The following ZCWPW2 variants were observed in gnomAD, a reference collection of about 807,000 sequenced individuals.
ZCWPW2 encodes the protein zinc finger CW-type and PWWP domain containing 2.
Under a neutral mutation model 46.6 loss-of-function variants are expected in ZCWPW2, and 45 were observed. That is an observed-to-expected ratio of 0.96 (90% CI 0.76 to 1.24). ZCWPW2 has a LOEUF of 1.24. Ranked by LOEUF, ZCWPW2 falls within the 50% of genes most tolerant of loss-of-function variation. ZCWPW2 has a pLI of 0.00. For synonymous variants in ZCWPW2, 152 were observed against 137.1 expected (o/e 1.11, Z -0.76); for missense variants, 429 against 403.9 (o/e 1.06, Z -0.53).
At position 28,514,061 on chromosome 3, in the gene ZCWPW2, T is replaced by C. The variant is rs201412069; in HGVS notation, c.658-3T>C. On this transcript the variant is annotated splice_polypyrimidine_tract_variant and splice_region_variant and intron_variant, in intron 6 of 9. Coordinates refer to ENST00000383768, the MANE Select transcript of ZCWPW2 (RefSeq NM_001040432.4). Reference sequence around the variant, plus strand: ...AACTCATATTTTTGTTTTTGTGTTATAGAAGCAGACTTCTAAAAATAATAT... The same window carrying C: ...AACTCATATTTTTGTTTTTGTGTTACAGAAGCAGACTTCTAAAAATAATAT... 6 of 1,507,536 alleles carry C rather than the reference T, an allele frequency of 4.0e-6. No individual in the cohort carries two copies. Among genetic ancestry groups the C allele is most frequent in the South Asian group, 1.2e-5 (1 of 84,198 alleles). The allele number at this position is 1,507,536 out of a possible 1,614,324, so 93.4% of individuals were successfully genotyped here. A position where few individuals can be genotyped will look rare whatever the true frequency, so the allele number is the denominator to read the frequency against.
intron 1 of ZCWPW2, among the ~76,000 whole-genome samples, chr3:28,350,070 T>G (rs772478039): frequency 6.6e-6 from 1 of 152,242 alleles, no homozygotes; most frequent in African/African-American, 2.4e-5. Context: ...TTGCTTCAAT[T>G]TACTGGGCTG....
At chr3:28,384,222 C>T (rs1428875192) in intron 1 of ZCWPW2, among the ~76,000 whole-genome samples, 1 of 152,122 alleles carries the variant, frequency 6.6e-6, no homozygotes, top group Non-Finnish European at 1.5e-5. Context: ...TCATCTTTCT[C>T]TACCCATGGA....
At chr3:28,461,664 C>G (rs146305834) in intron 4 of ZCWPW2, 11 of 152,172 alleles carry the variant, frequency 7.2e-5, no homozygotes, top group African/African-American at 2.6e-4. Context: ...TAAATATTTA[C>G]TCAACTCCTA....
chr3:28,460,460 G>A (rs1039410492), intron 4 of ZCWPW2, among the ~76,000 whole-genome samples: 1 of 152,102 alleles, frequency 6.6e-6, no homozygotes, highest in Non-Finnish European at 1.5e-5. Flanking sequence ...ATTTGAATAA[G>A]CTGTCTAAAT....
intron 1 of ZCWPW2, among the ~76,000 whole-genome samples, chr3:28,367,135 T>C (rs917309700): frequency 1.3e-5 from 2 of 152,198 alleles, no homozygotes; most frequent in African/African-American, 4.8e-5. Flanking sequence ...TTTTTGTGTC[T>C]CTCTTTCCTT....
intron 1 of ZCWPW2, among the ~76,000 whole-genome samples, chr3:28,349,430 C>G (rs1704445170): frequency 1.3e-5 from 2 of 152,312 alleles, no homozygotes; most frequent in South Asian, 4.1e-4. Context: ...AAACTACTTG[C>G]AAGCCCTCAG....
chr3:28,458,089 C>G (rs1575158543), intron 4 of ZCWPW2, among the ~76,000 whole-genome samples: 1 of 152,146 alleles, frequency 6.6e-6, no homozygotes. Flanking sequence ...ATAACACCAT[C>G]TTTGATAGTT....
chr3:28,358,511 A>G (rs1224950167), intron 1 of ZCWPW2, among the ~76,000 whole-genome samples: 1 of 152,164 alleles, frequency 6.6e-6, no homozygotes, highest in African/African-American at 2.4e-5. Flanking sequence ...ATCAGTTTGA[A>G]AATTATGAAT....
intron 4 of ZCWPW2, among the ~76,000 whole-genome samples, chr3:28,471,553 T>C (rs1442205633): frequency 6.6e-6 from 1 of 152,180 alleles, no homozygotes; most frequent in Non-Finnish European, 1.5e-5. Flanking sequence ...TCAGCATCCC[T>C]TTATGATAAA....
intron 6 of ZCWPW2, among the ~76,000 whole-genome samples, chr3:28,497,482 G>T (rs1335027933): frequency 6.6e-6 from 1 of 151,492 alleles, no homozygotes; most frequent in African/African-American, 2.4e-5. Flanking sequence ...GCTTCTATAA[G>T]AAATGACTTA....
intron 8 of ZCWPW2, among the ~76,000 whole-genome samples, chr3:28,516,632 C>T (rs1372704231): frequency 6.6e-6 from 1 of 152,154 alleles, no homozygotes; most frequent in Non-Finnish European, 1.5e-5. Context: ...GATATATTCC[C>T]TTTTCCTTGA....
intron 3 of ZCWPW2, among the ~76,000 whole-genome samples, chr3:28,417,259 A>G (rs1351675134): frequency 6.6e-6 from 1 of 152,116 alleles, no homozygotes; most frequent in Non-Finnish European, 1.5e-5. Context: ...AAACTAGAAA[A>G]TCTAGAAGAA....
intron 1 of ZCWPW2, among the ~76,000 whole-genome samples, chr3:28,389,452 T>C (rs1414457045): frequency 2.0e-5 from 3 of 152,200 alleles, no homozygotes; most frequent in African/African-American, 7.2e-5. Flanking sequence ...GATCTTGGCT[T>C]TTATAAGTGC....
rs947890441 is a variant in ZCWPW2 at position 28,349,054 on chromosome 3, G to A, written c.-283G>A. ...AGGAAACCGGAAGTCAGGCCCGAGGGAGCTGGGAGGGCGTTAGCGAAGCCA... is the reference window on the plus strand; with the variant it reads ...AGGAAACCGGAAGTCAGGCCCGAGGAAGCTGGGAGGGCGTTAGCGAAGCCA... On this transcript the variant is annotated 5_prime_UTR_variant, in exon 1 of 10. Transcript: ENST00000383768. The A allele has an allele frequency of 4.1e-6, 4 of 985,952 alleles. No individual in the cohort carries two copies. Among genetic ancestry groups the A allele is most frequent in the South Asian group, 4.7e-5 (1 of 21,326 alleles). The allele number at this position is 985,952 out of a possible 1,614,324, so 61.1% of individuals were successfully genotyped here. A position where few individuals can be genotyped will look rare whatever the true frequency, so the allele number is the denominator to read the frequency against.
intron 1 of ZCWPW2, among the ~76,000 whole-genome samples, chr3:28,377,133 C>T (rs544638768): frequency 6.6e-6 from 1 of 151,076 alleles, no homozygotes; most frequent in African/African-American, 2.4e-5. Context: ...TTGTTTCTTT[C>T]CAGAGAAAGA....
chr3:28,413,797 T>C (rs1238190580), intron 3 of ZCWPW2, among the ~76,000 whole-genome samples: 1 of 152,144 alleles, frequency 6.6e-6, no homozygotes, highest in African/African-American at 2.4e-5. Context: ...ATGTGTCTTA[T>C]TGCATTCTAA....
rs183966365 is a variant in ZCWPW2, at chr3:28,525,900, A to C, written c.*1212A>C. On this transcript the variant is annotated 3_prime_UTR_variant, in exon 10 of 10. Coordinates refer to ENST00000383768, the MANE Select transcript of ZCWPW2 (RefSeq NM_001040432.4). ...CATAGGATGTTGAGTTGTAAAGCCT[A>C]TCTGGGTTCATATTTTACATACTAG... 2.3e-4 allele frequency among the ~76,000 whole-genome samples: 35 copies of C among 152,222 alleles called. No homozygotes were observed. The highest frequency in any genetic ancestry group is 7.7e-4 in the African/African-American group (32 of 41,552).
intron 2 of ZCWPW2, among the ~76,000 whole-genome samples, chr3:28,399,923 A>C (rs573887491): frequency 6.6e-6 from 1 of 152,160 alleles, no homozygotes; most frequent in Non-Finnish European, 1.5e-5. Context: ...GATCCAAACC[A>C]AGAAGAAATC....
chr3:28,446,856 T>C (rs1340936012), intron 4 of ZCWPW2, among the ~76,000 whole-genome samples: 2 of 151,972 alleles, frequency 1.3e-5, no homozygotes, highest in Non-Finnish European at 2.9e-5. Context: ...TCTACATAAA[T>C]AAAAATGACT....
Sources: gnomAD v4.1 joint callset for allele counts (sites outside exome capture counted in the v4.1 genomes callset) on GRCh38, gnomAD v4.1.1 for gene constraint, MANE v1.5 for transcripts, NCBI Gene and HGNC (gene_info 2026-07-23, HGNC 2026-07-21) for gene names.